STAG1: variants seen among roughly 807,000 people sequenced by gnomAD.
The protein encoded by STAG1 is cohesin subunit SA-1.
STAG1 carries 26 observed loss-of-function variants against 170.9 expected under a neutral mutation model. The ratio of observed to expected loss-of-function variants is 0.15; its 90% CI spans 0.11 to 0.21. The LOEUF is 0.21. Ranked by LOEUF, STAG1 falls within the 10% of genes least tolerant of loss-of-function variation. The pLI is 1.00. For missense variants in STAG1, 964 were observed against 1,509.5 expected, an observed-to-expected ratio of 0.64 and a Z score of 5.99; for synonymous variants, 514 against 497.7, an observed-to-expected ratio of 1.03 and a Z score of -0.44.
intron 4 of STAG1, among the ~76,000 whole-genome samples, chr3:136,569,856 A>G (rs1937205929): frequency 6.6e-6 from 1 of 152,084 alleles, no homozygotes; most frequent in Non-Finnish European, 1.5e-5. Flanking sequence ...TTAAAAAAAG[A>G]CTTCAACAAG....
intron 5 of STAG1, among the ~76,000 whole-genome samples, chr3:136,546,325 G>A (rs1428662927): frequency 1.1e-4 from 17 of 152,124 alleles, no homozygotes; most frequent in Admixed American, 1.1e-3. Flanking sequence ...TTGACCTGTG[G>A]CACATGGACT....
At chr3:136,605,113 C>T (rs1938871129) in intron 3 of STAG1, among the ~76,000 whole-genome samples, 1 of 152,160 alleles carries the variant, frequency 6.6e-6, no homozygotes, top group African/African-American at 2.4e-5. Flanking sequence ...GCCATATATT[C>T]AACTTCTACC....
At chr3:136,522,865 A>C (rs1225287960) in intron 6 of STAG1, among the ~76,000 whole-genome samples, 1 of 152,066 alleles carries the variant, frequency 6.6e-6, no homozygotes, top group Non-Finnish European at 1.5e-5. Context: ...GATGGTTTCC[A>C]GCTTCATCCA....
At chr3:136,555,704 A>AAT (rs1247466345) in intron 5 of STAG1, among the ~76,000 whole-genome samples, 1 of 151,326 alleles carries the variant, frequency 6.6e-6, no homozygotes, top group Non-Finnish European at 1.5e-5. Flanking sequence ...TCAATCAATC[A>AAT]GTCAATCAAT....
intron 1 of STAG1, among the ~76,000 whole-genome samples, chr3:136,656,348 T>C (rs966250594): frequency 1.3e-5 from 2 of 152,128 alleles, no homozygotes; most frequent in Admixed American, 6.5e-5. Flanking sequence ...CCTGGATACA[T>C]ACAGCGGTGA....
intron 1 of STAG1, among the ~76,000 whole-genome samples, chr3:136,662,547 G>C (rs970205897): frequency 3.9e-5 from 6 of 152,032 alleles, no homozygotes; most frequent in Non-Finnish European, 7.4e-5. Context: ...AGGCTCAAGT[G>C]AACTTCCCAC....
intron 14 of STAG1, among the ~76,000 whole-genome samples, chr3:136,444,081 T>TC (rs1211922568): frequency 2.6e-5 from 4 of 151,730 alleles, no homozygotes; most frequent in Non-Finnish European, 5.9e-5. Flanking sequence ...TATTATCCTT[T>TC]TTTTTTTTTT....
In STAG1 at chr3:136,366,994, A is replaced by G. The variant is rs1463094205; in HGVS notation, c.2634T>C (p.Tyr878=). ...LLAAFSKLII[Y]DIVDMHAAAD... ...CAGCTGCATGCATGTCAACAATGTC[A>G]TAAATGATAAGTTTGCTGAAAGCAG... Residue 878 remains tyrosine (Y), a synonymous_variant, in exon 25 of 34, where the codon TAT becomes TAC. Transcript: ENST00000383202. The G allele has an allele frequency of 1.9e-6, 3 of 1,611,522 alleles. No homozygotes were observed. The highest frequency in any genetic ancestry group is 1.7e-6 in the Non-Finnish European group (2 of 1,178,306).
Position 136,336,237 on chromosome 3 carries a change from G to A in STAG1, c.*2017C>T, listed in dbSNP as rs1432759737. On this transcript the variant is annotated 3_prime_UTR_variant, in exon 34 of 34. Coordinates refer to ENST00000383202, the MANE Select transcript of STAG1 (RefSeq NM_005862.3). Reference sequence around the variant, plus strand: ...ACAATAGGATGACTACCACAAGCCTGATTTTGAATAGTTTATTAAAGGAAA... The same window carrying A: ...ACAATAGGATGACTACCACAAGCCTAATTTTGAATAGTTTATTAAAGGAAA... 6.6e-6 allele frequency: 1 copy of A among 151,992 alleles called. No homozygotes were observed. The highest frequency in any genetic ancestry group is 2.4e-5 in the African/African-American group (1 of 41,366). 9.4% of individuals were successfully genotyped at this position (151,992 alleles called of 1,614,324 possible). A position where few individuals can be genotyped will look rare whatever the true frequency, so the allele number is the denominator to read the frequency against.
chr3:136,553,682 G>A (rs2107741746), intron 5 of STAG1, among the ~76,000 whole-genome samples: 1 of 152,356 alleles, frequency 6.6e-6, no homozygotes, highest in Middle Eastern at 3.4e-3. Flanking sequence ...GCTGAGGCAG[G>A]GGAATCGCTT....
intron 5 of STAG1, among the ~76,000 whole-genome samples, chr3:136,551,860 G>C (rs890574622): frequency 6.6e-6 from 1 of 152,086 alleles, no homozygotes; most frequent in East Asian, 1.9e-4. Flanking sequence ...CTCCCAAAGT[G>C]TTGGGATTAC....
intron 13 of STAG1, among the ~76,000 whole-genome samples, chr3:136,463,783 A>ACACACACACACG (rs1553725830): frequency 2.2e-5 from 3 of 135,204 alleles, no homozygotes; most frequent in Non-Finnish European, 5.0e-5. Flanking sequence ...ACACACACAC[A>ACACACACACACG]CACACACATA....
intron 1 of STAG1, among the ~76,000 whole-genome samples, chr3:136,740,318 C>T (rs1338010476): frequency 6.6e-6 from 1 of 152,176 alleles, no homozygotes; most frequent in African/African-American, 2.4e-5. Flanking sequence ...ACTACAAAAG[C>T]TTCTCCATAA....
intron 1 of STAG1, among the ~76,000 whole-genome samples, chr3:136,664,295 T>C (rs531630141): frequency 7.9e-5 from 12 of 152,308 alleles, no homozygotes; most frequent in African/African-American, 2.6e-4. Context: ...CAATGTAAAA[T>C]GTATTTTGAA....
At chr3:136,468,233 A>G (rs919039104) in intron 12 of STAG1, among the ~76,000 whole-genome samples, 1 of 152,146 alleles carries the variant, frequency 6.6e-6, no homozygotes, top group African/African-American at 2.4e-5. Flanking sequence ...TTTTTTGAAA[A>G]GATCAACAAA....
intron 28 of STAG1, among the ~76,000 whole-genome samples, chr3:136,357,043 G>A (rs987156889): frequency 1.3e-5 from 2 of 151,972 alleles, no homozygotes; most frequent in South Asian, 2.1e-4. Flanking sequence ...CGCCTCCCAG[G>A]TTCACGCCAT....
At chr3:136,654,521 T>C (rs1477784747) in intron 1 of STAG1, among the ~76,000 whole-genome samples, 5 of 152,194 alleles carry the variant, frequency 3.3e-5, no homozygotes, top group South Asian at 4.1e-4. Context: ...CGTTTTTGGA[T>C]TGGGAGACAA....
intron 1 of STAG1, among the ~76,000 whole-genome samples, chr3:136,742,047 T>G (rs941241789): frequency 6.6e-6 from 1 of 151,994 alleles, no homozygotes; most frequent in South Asian, 2.1e-4. Context: ...TCAAAATGAG[T>G]GAGAAAAACT....
chr3:136,552,212 C>T (rs557435141), intron 5 of STAG1, among the ~76,000 whole-genome samples: 5 of 152,254 alleles, frequency 3.3e-5, no homozygotes, highest in Admixed American at 2.0e-4. Flanking sequence ...TACATTACAA[C>T]AATATACAAA....
Sources: allele counts gnomAD v4.1 joint callset (sites outside exome capture counted in the v4.1 genomes callset), GRCh38; gene constraint gnomAD v4.1.1; transcripts MANE v1.5; gene names NCBI Gene and HGNC (gene_info 2026-07-23, HGNC 2026-07-21).